KMT2C: variants seen among roughly 807,000 people sequenced by gnomAD.
The protein encoded by KMT2C is lysine methyltransferase 2C.
Under a neutral mutation model 507.9 loss-of-function variants are expected in KMT2C, and 88 were observed. The ratio of observed to expected loss-of-function variants is 0.17; its 90% CI spans 0.15 to 0.21. KMT2C has a LOEUF of 0.21. Among genes scored for constraint, KMT2C ranks in the 10% least tolerant of loss-of-function variants. The pLI, the probability that KMT2C is intolerant of heterozygous loss-of-function variation, is 1.00. For synonymous variants in KMT2C, 2,049 were observed against 2,080.8 expected (o/e 0.98, Z 0.42); for missense variants, 4,954 against 5,957.8 (o/e 0.83, Z 5.55).
At chr7:152,396,144 A>T (rs1421004576) in intron 1 of KMT2C, among the ~76,000 whole-genome samples, 1 of 152,188 alleles carries the variant, frequency 6.6e-6, no homozygotes, top group East Asian at 1.9e-4. Context: ...CATTACAAAC[A>T]CTATCACCCA....
At chr7:152,320,085 C>T (rs186251135) in intron 3 of KMT2C, among the ~76,000 whole-genome samples, 4 of 152,278 alleles carry the variant, frequency 2.6e-5, no homozygotes, top group East Asian at 1.9e-4. Context: ...TCTATACTCT[C>T]GTCTCCGCAC....
chr7:152,189,940 G>A (rs929166122), intron 31 of KMT2C, among the ~76,000 whole-genome samples: 3 of 152,200 alleles, frequency 2.0e-5, no homozygotes, highest in Admixed American at 2.0e-4. Flanking sequence ...GAACCCGGCC[G>A]CACAGTAGGT....
chr7:152,262,174 C>T (rs1349758298), intron 9 of KMT2C, among the ~76,000 whole-genome samples: 2 of 152,160 alleles, frequency 1.3e-5, no homozygotes, highest in Non-Finnish European at 2.9e-5. Flanking sequence ...GGGGTTCTGG[C>T]CACATCACCC....
At chr7:152,432,154 C>T (rs2097868300) in intron 1 of KMT2C, among the ~76,000 whole-genome samples, 1 of 152,192 alleles carries the variant, frequency 6.6e-6, no homozygotes, top group Non-Finnish European at 1.5e-5. Flanking sequence ...CAAAAAAGGC[C>T]AAGGATAGTG....
Position 152,250,420 on chromosome 7 carries a change from A to G in KMT2C, c.1735+433T>C, listed in dbSNP as rs1366441505. Among the ~76,000 whole-genome samples, 6 of 152,188 alleles carry G rather than the reference A, an allele frequency of 3.9e-5. No individual in the cohort carries two copies. The East Asian group carries it at 1.2e-3, about 29-fold the overall frequency. ...TAATTCCAGATCTGCAAGTACAATA[A>G]TAGCTCTTATCAATATTTACTACAA... On this transcript the variant is annotated intron_variant, in intron 12 of 58. Transcript: ENST00000262189.
chr7:152,318,626 C>CAA (rs67446037), intron 3 of KMT2C, among the ~76,000 whole-genome samples: 1,098 of 52,864 alleles, frequency 0.021, 35 homozygotes, highest in East Asian at 0.092. Flanking sequence ...GACTCCATCT[C>CAA]AAAAAAAAAA....
chr7:152,349,666 T>C (rs995119407), intron 2 of KMT2C, among the ~76,000 whole-genome samples: 1 of 151,904 alleles, frequency 6.6e-6, no homozygotes, highest in African/African-American at 2.4e-5. Context: ...GATTAATAGG[T>C]GGAACACCTA....
rs749256774 is a variant in KMT2C at position 152,305,554 on chromosome 7, CT to C, written c.849+4411del. Among the ~76,000 whole-genome samples, 659 of 142,178 alleles carry C rather than the reference CT, an allele frequency of 4.6e-3. 4 individuals carry two copies. Among genetic ancestry groups the C allele is most frequent in the African/African-American group, 0.012 (452 of 38,950 alleles). 93.3% of individuals were successfully genotyped at this position (142,178 alleles called of 152,430 possible). On this transcript the variant is annotated intron_variant, in intron 6 of 58. Coordinates refer to ENST00000262189, the MANE Select transcript of KMT2C (RefSeq NM_170606.3). ...AGAGCCTTACAGGTTAGCAAGGAAT[CT>C]TTTTTTTTTTTTTCTCAGAATAAAA...
At chr7:152,410,649 T>C (rs2097672966) in intron 1 of KMT2C, among the ~76,000 whole-genome samples, 1 of 147,924 alleles carries the variant, frequency 6.8e-6, no homozygotes, top group Non-Finnish European at 1.5e-5. Flanking sequence ...TAATGTATAA[T>C]TTTTATATAT....
At position 152,166,123 on chromosome 7, in the gene KMT2C, A is replaced by ATTT. The variant is rs1190668716; in HGVS notation, c.9750+1020_9750+1022dup. Among the ~76,000 whole-genome samples, 230 of 135,924 alleles carry ATTT rather than the reference A, an allele frequency of 1.7e-3. 1 individual carries two copies. The highest frequency in any genetic ancestry group is 6.2e-3 in the African/African-American group (224 of 36,370). The allele number at this position is 135,924 out of a possible 152,430, so 89.2% of individuals were successfully genotyped here. ...ACAGTGTTCATTATAGAGCACTCAC[A>ATTT]TTTTTTTTTTTTTTTTTTGAGATGG... On this transcript the variant is annotated intron_variant, in intron 42 of 58. Transcript: ENST00000262189.
At position 152,252,650 on chromosome 7, in the gene KMT2C, T is replaced by C. The variant is rs77652527; in HGVS notation, c.1365A>G (p.Ile455Met). ...SSSQWHHNCL[I>M]CDNCYQQQDN... ...CCTGCTGTTGGTAACAATTGTCACA[T>C]ATCAGGCAATTGTGGTGCCACTGAG... The change falls in exon 10 of 59, where the codon ATA becomes ATG. Residue 455 changes from isoleucine (I) to methionine (M), a missense_variant. Ile to Met is a conservative substitution (Grantham distance 10, BLOSUM62 1). This residue lies in a region of KMT2C where 376 missense variants were observed against 352.4 expected (regional missense o/e 1.07). Transcript: ENST00000262189. 57,607 of 1,613,196 alleles carry C rather than the reference T, an allele frequency of 0.036. 1,244 individuals are homozygous for C. The highest frequency in any genetic ancestry group is 0.044 in the Non-Finnish European group (51,415 of 1,179,242).
chr7:152,217,741 CAT>C (rs2094621618), intron 23 of KMT2C, among the ~76,000 whole-genome samples: 1 of 148,016 alleles, frequency 6.8e-6, no homozygotes, highest in Non-Finnish European at 1.5e-5. Flanking sequence ...GAAATTGAAA[CAT>C]ATCACCATTT....
chr7:152,188,918 T>C (rs2093708276), intron 31 of KMT2C, among the ~76,000 whole-genome samples: 1 of 152,142 alleles, frequency 6.6e-6, no homozygotes, highest in Non-Finnish European at 1.5e-5. Context: ...CCACCTATGA[T>C]TCTTAAATTG....
intron 1 of KMT2C, among the ~76,000 whole-genome samples, chr7:152,389,757 A>C (rs2097474566): frequency 6.6e-6 from 1 of 152,230 alleles, no homozygotes; most frequent in Admixed American, 6.5e-5. Flanking sequence ...AACTTTTTTT[A>C]AACTAGCAGG....
At chr7:152,168,148 GAA>G (rs943133195) in intron 41 of KMT2C, among the ~76,000 whole-genome samples, 2 of 143,386 alleles carry the variant, frequency 1.4e-5, no homozygotes. Flanking sequence ...AGTCCAAGGG[GAA>G]AAAAAAAAAG....
At chr7:152,377,572 T>C (rs2097338796) in intron 1 of KMT2C, among the ~76,000 whole-genome samples, 1 of 151,902 alleles carries the variant, frequency 6.6e-6, no homozygotes, top group Non-Finnish European at 1.5e-5. Context: ...CTATTTCTAC[T>C]AAAAATACAA....
intron 9 of KMT2C, 117 bp from the exon 10 acceptor site, chr7:152,252,832 T>C (rs2095582218): frequency 1.4e-6 from 1 of 723,236 alleles, no homozygotes; most frequent in African/African-American, 1.8e-5. Context: ...AAGCTTTTAT[T>C]TTCATGACAC....
At chr7:152,343,882 G>C (rs1204108501) in intron 2 of KMT2C, among the ~76,000 whole-genome samples, 1 of 152,128 alleles carries the variant, frequency 6.6e-6, no homozygotes, top group Non-Finnish European at 1.5e-5. Flanking sequence ...GACCTACCTT[G>C]CAAGAAATGT....
chr7:152,323,859 G>A (rs896376827), intron 3 of KMT2C, among the ~76,000 whole-genome samples: 1 of 150,756 alleles, frequency 6.6e-6, no homozygotes, highest in Admixed American at 6.6e-5. Flanking sequence ...AGAGAGAAGC[G>A]GGAGGGACCT....
Sources: gnomAD v4.1 joint callset for allele counts (sites outside exome capture counted in the v4.1 genomes callset) on GRCh38, gnomAD v4.1.1 for gene constraint, gnomAD v4.1.1 regional missense constraint, MANE v1.5 for transcripts, NCBI Gene and HGNC (gene_info 2026-07-23, HGNC 2026-07-21) for gene names.